The following ZNF804B variants were observed in gnomAD, a reference collection of about 807,000 sequenced individuals.
ZNF804B encodes zinc finger 804B.
ZNF804B carries 80 observed loss-of-function variants against 101.4 expected under a neutral mutation model. The ratio of observed to expected loss-of-function variants is 0.79; its 90% confidence interval spans 0.66 to 0.95. The LOEUF is 0.95. ZNF804B is among the 40% of genes least tolerant of loss of function. The pLI is 0.00. For synonymous variants in ZNF804B, 622 were observed against 558.8 expected, an observed-to-expected ratio of 1.11 and a Z score of -1.59; for missense variants, 1,673 against 1,561.9, an observed-to-expected ratio of 1.07 and a Z score of -1.20.
chr7:88,786,738 C>A (rs1210511260), intron 1 of ZNF804B, among the ~76,000 whole-genome samples: 12 of 152,006 alleles, frequency 7.9e-5, no homozygotes, highest in Admixed American at 7.2e-4. Context: ...ATAATTCCAA[C>A]AAAAATTGTT....
intron 2 of ZNF804B, among the ~76,000 whole-genome samples, chr7:89,283,641 G>A (rs1293334242): frequency 6.6e-6 from 1 of 152,054 alleles, no homozygotes; most frequent in Non-Finnish European, 1.5e-5. Flanking sequence ...AGAGTGTTGT[G>A]TCATGATTTC....
intron 1 of ZNF804B, among the ~76,000 whole-genome samples, chr7:88,869,644 A>G (rs182195525): frequency 6.6e-6 from 1 of 152,324 alleles, no homozygotes. Context: ...CTGAGTTTTA[A>G]TGGTGGCAAT....
At chr7:88,832,603 A>C (rs1354058840) in intron 1 of ZNF804B, among the ~76,000 whole-genome samples, 1 of 140,876 alleles carries the variant, frequency 7.1e-6, no homozygotes, top group Non-Finnish European at 1.5e-5. Context: ...TTGGTCCTGC[A>C]AAAAAAAAAA....
chr7:89,306,957 A>G (rs988121910), intron 2 of ZNF804B, among the ~76,000 whole-genome samples: 2 of 151,990 alleles, frequency 1.3e-5, no homozygotes, highest in East Asian at 1.9e-4. Flanking sequence ...ATGATGATAC[A>G]TATAGAAATG....
chr7:89,265,366 A>T (rs1348867535), intron 2 of ZNF804B, among the ~76,000 whole-genome samples: 1 of 152,226 alleles, frequency 6.6e-6, no homozygotes, highest in Non-Finnish European at 1.5e-5. Flanking sequence ...AAATAAACAG[A>T]TAAGCACAAA....
chr7:89,004,170 A>C (rs1201452711), intron 1 of ZNF804B, among the ~76,000 whole-genome samples: 1 of 151,828 alleles, frequency 6.6e-6, no homozygotes, highest in African/African-American at 2.4e-5. Flanking sequence ...AAATGTATTC[A>C]AAAAAGCAAA....
chr7:89,024,259 A>G (rs1379675408), intron 1 of ZNF804B, among the ~76,000 whole-genome samples: 1 of 152,174 alleles, frequency 6.6e-6, no homozygotes, highest in Non-Finnish European at 1.5e-5. Context: ...TTAGATAGCT[A>G]TTAATTTTTC....
chr7:89,199,486 G>A lies in ZNF804B; in HGVS notation c.109-18669G>A, dbSNP rs1206650135. Among the ~76,000 whole-genome samples, 8 of 151,916 alleles carry A rather than the reference G, an allele frequency of 5.3e-5. No individual in the cohort carries two copies. In the East Asian group the frequency reaches 1.5e-3, roughly 29 times the overall value. On this transcript the variant is annotated intron_variant, in intron 1 of 3. Transcript: ENST00000333190. Reference sequence around the variant, plus strand: ...ATTAACAGCATAATAGAAATATAAGGCTTTTACTATACTAAGTATTTACTT... The same window carrying A: ...ATTAACAGCATAATAGAAATATAAGACTTTTACTATACTAAGTATTTACTT...
intron 1 of ZNF804B, among the ~76,000 whole-genome samples, chr7:88,848,208 A>G (rs1017871350): frequency 1.3e-5 from 2 of 152,176 alleles, no homozygotes; most frequent in Admixed American, 1.3e-4. Flanking sequence ...CAAAATGTCA[A>G]TAACATCAAG....
At chr7:89,109,180 C>A (rs962361022) in intron 1 of ZNF804B, among the ~76,000 whole-genome samples, 8 of 152,072 alleles carry the variant, frequency 5.3e-5, no homozygotes, top group African/African-American at 1.7e-4. Flanking sequence ...AATGATTTGA[C>A]AACATGGTTC....
intron 1 of ZNF804B, among the ~76,000 whole-genome samples, chr7:89,039,462 T>C (rs1404943041): frequency 1.3e-5 from 2 of 152,010 alleles, no homozygotes; most frequent in East Asian, 1.9e-4. Flanking sequence ...TTTTATGCTA[T>C]TATAAATGAA....
At chr7:88,913,044 G>A (rs1056155781) in intron 1 of ZNF804B, among the ~76,000 whole-genome samples, 4 of 152,096 alleles carry the variant, frequency 2.6e-5, no homozygotes, top group African/African-American at 9.7e-5. Flanking sequence ...GTCAACATAG[G>A]TAGCTTCCTG....
intron 1 of ZNF804B, among the ~76,000 whole-genome samples, chr7:89,076,536 A>G (rs187470295): frequency 3.9e-4 from 60 of 152,258 alleles, no homozygotes; most frequent in Admixed American, 2.4e-3. Context: ...CATCAGCAGC[A>G]TGAAAATGGA....
chr7:88,960,775 A>G (rs1389117472), intron 1 of ZNF804B, among the ~76,000 whole-genome samples: 1 of 151,370 alleles, frequency 6.6e-6, no homozygotes, highest in Non-Finnish European at 1.5e-5. Context: ...AATTACTTAC[A>G]TGATATAATT....
intron 1 of ZNF804B, among the ~76,000 whole-genome samples, chr7:89,022,575 A>G (rs1788683693): frequency 6.6e-6 from 1 of 152,212 alleles, no homozygotes; most frequent in Non-Finnish European, 1.5e-5. Context: ...GGATTACTAA[A>G]GGGCACATAG....
Position 89,311,336 on chromosome 7 carries a change from C to T in ZNF804B, c.250-16008C>T, listed in dbSNP as rs187916286. Among the ~76,000 whole-genome samples, 664 of 152,284 alleles carry T rather than the reference C, an allele frequency of 4.4e-3. 4 individuals are homozygous for T. The highest frequency in any genetic ancestry group is 0.015 in the African/African-American group (637 of 41,570). On this transcript the variant is annotated intron_variant, in intron 2 of 3. Coordinates refer to ENST00000333190, the MANE Select transcript of ZNF804B (RefSeq NM_181646.5). ...ATACGTAACATTCAAACACTCTCCA[C>T]TTCGTCTCAAAGAAATGGTGATAAT...
At chr7:89,162,465 G>A (rs1249198510) in intron 1 of ZNF804B, among the ~76,000 whole-genome samples, 1 of 152,026 alleles carries the variant, frequency 6.6e-6, no homozygotes, top group Non-Finnish European at 1.5e-5. Flanking sequence ...TCAATGCAAT[G>A]TAAGGTAGAT....
chr7:88,907,517 T>G (rs1792491030), intron 1 of ZNF804B, among the ~76,000 whole-genome samples: 4 of 152,050 alleles, frequency 2.6e-5, no homozygotes, highest in Admixed American at 6.6e-5. Context: ...GCATTTAAAC[T>G]AATTTAAATC....
At chr7:89,163,504 T>C (rs1424888090) in intron 1 of ZNF804B, among the ~76,000 whole-genome samples, 1 of 152,128 alleles carries the variant, frequency 6.6e-6, no homozygotes, top group East Asian at 1.9e-4. Flanking sequence ...TGGCTTATTA[T>C]GTGTTTTATG....
Sources: allele counts gnomAD v4.1 joint callset (sites outside exome capture counted in the v4.1 genomes callset), GRCh38; gene constraint gnomAD v4.1.1; transcripts MANE v1.5; gene names NCBI Gene and HGNC (gene_info 2026-07-23, HGNC 2026-07-21).